Variants in MPND observed in about 807,000 individuals in gnomAD.
MPND encodes the protein MPN domain containing.
Under a neutral mutation model 59.2 loss-of-function variants are expected in MPND, and 56 were observed. The observed-to-expected ratio is 0.95, with a 90% CI of 0.76 to 1.18. The LOEUF is 1.18. Among genes scored for constraint, MPND ranks in the 50% most tolerant of loss-of-function variants. MPND has a pLI of 0.00. For synonymous variants in MPND, 323 were observed against 291.9 expected, an observed-to-expected ratio of 1.11 and a Z score of -1.09; for missense variants, 671 against 676.0, an observed-to-expected ratio of 0.99 and a Z score of 0.08.
chr19:4,350,688 T>A (rs1310551833), intron 3 of MPND, among the ~76,000 whole-genome samples: 1 of 152,050 alleles, frequency 6.6e-6, no homozygotes, highest in African/African-American at 2.4e-5. Flanking sequence ...GGGGGTTCAG[T>A]GGGGCCCAGC....
chr19:4,344,055 G>T, intron 2 of MPND, 61 bp downstream of exon 2: 1 of 1,178,194 alleles, frequency 8.5e-7, no homozygotes, highest in Non-Finnish European at 1.1e-6. Flanking sequence ...ACTGAGGCCT[G>T]GAGTTCCCTT....
intron 4 of MPND, 72 bp from the exon 5 acceptor site, chr19:4,353,973 C>T (rs1445929160): frequency 7.4e-7 from 1 of 1,345,816 alleles, no homozygotes; most frequent in East Asian, 2.3e-5. Context: ...CATGCACCAC[C>T]ACACCCAGTG....
At chr19:4,355,295 C>A in intron 8 of MPND, 122 bp downstream of exon 8, 2 of 887,810 alleles carry the variant, frequency 2.3e-6, no homozygotes, top group Admixed American at 2.2e-5. Context: ...GCATGCCCGT[C>A]TGTGTGCTTG....
chr19:4,354,684 T>G, intron 6 of MPND: 1 of 590,876 alleles, frequency 1.7e-6, no homozygotes, highest in Admixed American at 3.0e-5. Context: ...TGGGTAACAC[T>G]GAAACCCTGT....
At position 4,345,916 on chromosome 19, in the gene MPND, G is replaced by T; in HGVS notation, c.466G>T (p.Asp156Tyr). 1 of 1,613,810 alleles carries T rather than the reference G, an allele frequency of 6.2e-7. No individual in the cohort carries two copies. The highest frequency in any genetic ancestry group is 8.5e-7 in the Non-Finnish European group (1 of 1,180,042). The change falls in exon 3 of 13, where the codon GAC becomes TAC. Residue 156 changes from aspartate to tyrosine, a missense_variant. By Grantham distance (160) the Asp-to-Tyr change is radical. Coordinates refer to ENST00000599840, the MANE Select transcript of MPND (RefSeq NM_001300862.2). ...TGTCAAGTACAAAGGCCAGAAACTG[G>T]ACAAGTACAAGGCCACCTGGCTCCG... ...ASVKYKGQKLDKYKATWLRLH... is the reference protein window; with the variant it reads ...ASVKYKGQKLYKYKATWLRLH...
Position 4,359,215 on chromosome 19 carries a change from A to C in MPND, c.1379A>C (p.Glu460Ala). 1 of 1,613,042 alleles carries C rather than the reference A, an allele frequency of 6.2e-7. No individual in the cohort carries two copies. Among genetic ancestry groups the C allele is most frequent in the Non-Finnish European group, 8.5e-7 (1 of 1,179,598 alleles). ...TCCCCTGACCTCGTGAGGCTCCAGGAACCCTGGAGCCAGGAGCACACCTAC... is the reference window on the plus strand; with the variant it reads ...TCCCCTGACCTCGTGAGGCTCCAGGCACCCTGGAGCCAGGAGCACACCTAC... ...KGSPDLVRLQ[E>A]PWSQEHTYLD... The change falls in exon 12 of 13, where the codon GAA (glutamate) becomes GCA (alanine). Residue 460 changes from glutamate (E) to alanine (A), a missense_variant. Physicochemically the swap from Glu to Ala is moderately radical, Grantham distance 107. Transcript: ENST00000599840.
At chr19:4,346,035 G>T (rs1056911969) in intron 3 of MPND, 54 bp downstream of exon 3, 2 of 1,481,450 alleles carry the variant, frequency 1.4e-6, no homozygotes, top group Middle Eastern at 2.0e-4. Flanking sequence ...GGAATGAGGG[G>T]TGCCCAGCCT....
Position 4,357,271 on chromosome 19 carries a change from C to T in MPND, c.1015C>T (p.Leu339=). Residue 339 remains leucine, a synonymous_variant, in exon 9 of 13, where the codon CTG becomes TTG. Transcript: ENST00000599840. ...IEEEIYQSLF[L]RGLSLVGWYH... ...TCCCCAGATCTACCAGAGCCTGTTC[C>T]TGCGGGGCCTGTCCCTGGTGGGCTG... The T allele has an allele frequency of 6.2e-7, 1 of 1,608,072 alleles. No individual in the cohort carries two copies. The highest frequency in any genetic ancestry group is 2.2e-5 in the East Asian group (1 of 44,808).
intron 3 of MPND, among the ~76,000 whole-genome samples, chr19:4,350,826 A>G (rs1289248815): frequency 6.6e-6 from 1 of 151,940 alleles, no homozygotes; most frequent in Non-Finnish European, 1.5e-5. Context: ...AGGTGTAGAC[A>G]GGATTTGGAG....
chr19:4,343,868 C>G lies in MPND; in HGVS notation c.168C>G (p.Gly56=). ...GCGTCAGCGGAGGAGGCGGCGGCGG[C>G]GGGGCCGGGGCGGGGGGCTGCGGCG... The part of the protein sequence containing the change: ...GSSVSGGGGG[G]GAGAGGCGGP... The change falls in exon 2 of 13, where the codon GGC becomes GGG. Residue 56 remains glycine, a synonymous_variant. Transcript: ENST00000599840. The G allele has an allele frequency of 1.9e-6, 2 of 1,052,850 alleles. No homozygotes were observed. Among genetic ancestry groups the G allele is most frequent in the Non-Finnish European group, 1.2e-6 (1 of 861,746 alleles). 65.2% of individuals were successfully genotyped at this position (1,052,850 alleles called of 1,614,324 possible). A position where few individuals can be genotyped will look rare whatever the true frequency, so the allele number is the denominator to read the frequency against.
chr19:4,350,028 CA>C (rs79127761), intron 3 of MPND, among the ~76,000 whole-genome samples: 46,896 of 147,898 alleles, frequency 0.32, 8,487 homozygotes, highest in Non-Finnish European at 0.41. Flanking sequence ...AAGCAGAGGG[CA>C]AAAAAAGTCA....
intron 6 of MPND, 88 bp from the exon 7 acceptor site, chr19:4,354,861 C>A: frequency 7.4e-7 from 1 of 1,357,838 alleles, no homozygotes; most frequent in South Asian, 1.4e-5. Flanking sequence ...AAGACTGAGT[C>A]TCAAAGAGAA....
intron 12 of MPND, 34 bp from the exon 13 acceptor site, chr19:4,359,882 G>T: frequency 6.5e-7 from 1 of 1,531,274 alleles, no homozygotes; most frequent in Non-Finnish European, 8.8e-7. Flanking sequence ...TAGGACCCCC[G>T]GGCACAGCCT....
intron 12 of MPND, among the ~76,000 whole-genome samples, 157 bp from the exon 13 acceptor site, chr19:4,359,759 C>T (rs952411188): frequency 1.3e-5 from 2 of 152,128 alleles, no homozygotes; most frequent in Admixed American, 6.5e-5. Flanking sequence ...ACATACTGCC[C>T]CACTGGGTAA....
In MPND at chr19:4,343,868, C is replaced by A; in HGVS notation, c.168C>A (p.Gly56=). Residue 56 remains glycine, a synonymous_variant, in exon 2 of 13, where the codon GGC becomes GGA. Transcript: ENST00000599840. ...GSSVSGGGGG[G]GAGAGGCGGP... ...GCGTCAGCGGAGGAGGCGGCGGCGG[C>A]GGGGCCGGGGCGGGGGGCTGCGGCG... is the stretch of plus-strand genomic sequence containing the variant. 9.5e-7 allele frequency: 1 copy of A among 1,052,866 alleles called. No individual in the cohort carries two copies. The allele number at this position is 1,052,866 out of a possible 1,614,324, so 65.2% of individuals were successfully genotyped here.
chr19:4,356,813 ATT>A (rs1972447855), intron 8 of MPND: 1 of 153,360 alleles, frequency 6.5e-6, no homozygotes, highest in Admixed American at 6.6e-5. Context: ...TAATTTTTGT[ATT>A]TTTAGTAGAG....
chr19:4,359,076 G>A, intron 11 of MPND, 87 bp from the exon 12 acceptor site: 6 of 857,148 alleles, frequency 7.0e-6, no homozygotes, highest in South Asian at 6.9e-5. Context: ...ATGTCTCAGG[G>A]CTGCCTGAGA....
intron 3 of MPND, among the ~76,000 whole-genome samples, chr19:4,346,897 G>C (rs886680671): frequency 6.6e-6 from 1 of 152,140 alleles, no homozygotes; most frequent in East Asian, 2.0e-4. Flanking sequence ...AGGCGTGGTG[G>C]TGCACGCCTG....
intron 11 of MPND, among the ~76,000 whole-genome samples, chr19:4,358,887 C>T (rs775863693): frequency 4.6e-5 from 7 of 152,106 alleles, no homozygotes; most frequent in East Asian, 1.9e-4. Context: ...ACGTCAGGCC[C>T]GCGTGGTTCT....
Sources: gnomAD v4.1 joint callset for allele counts (sites outside exome capture counted in the v4.1 genomes callset) on GRCh38, gnomAD v4.1.1 for gene constraint, MANE v1.5 for transcripts, NCBI Gene and HGNC (gene_info 2026-07-23, HGNC 2026-07-21) for gene names.